The following RAB27A variants were observed in gnomAD, a reference collection of about 807,000 sequenced individuals.
RAB27A encodes RAB27A, member RAS oncogene family.
RAB27A carries 17 observed loss-of-function variants against 20.8 expected under a neutral mutation model. The ratio of observed to expected loss-of-function variants is 0.82; its 90% CI spans 0.56 to 1.23. The LOEUF is 1.23. Among genes scored for constraint, RAB27A ranks in the 50% most tolerant of loss-of-function variants. The pLI, the probability that RAB27A is intolerant of heterozygous loss-of-function variation, is 0.00. For synonymous variants in RAB27A, 85 were observed against 92.8 expected (o/e 0.92, Z 0.48); for missense variants, 277 against 266.7 (o/e 1.04, Z -0.27).
chr15:55,203,637 T>C lies in RAB27A; in HGVS notation c.*1870A>G, dbSNP rs1894505432. 6.7e-6 allele frequency: 1 copy of C among 149,894 alleles called. No homozygotes were observed. The highest frequency in any genetic ancestry group is 2.5e-5 in the African/African-American group (1 of 40,806). 9.3% of individuals were successfully genotyped at this position (149,894 alleles called of 1,614,324 possible). On this transcript the variant is annotated 3_prime_UTR_variant, in exon 7 of 7. Coordinates refer to ENST00000336787, the MANE Select transcript of RAB27A (RefSeq NM_183235.3). ...TGGGGTTTCACTGTGTTAGCCAGGA[T>C]GGTCTCGATCTCCTGACCTCGTGAT...
chr15:55,261,290 A>G (rs1232297352), intron 2 of RAB27A, among the ~76,000 whole-genome samples: 1 of 151,668 alleles, frequency 6.6e-6, no homozygotes, highest in Admixed American at 6.6e-5. Flanking sequence ...CCAGCTACTC[A>G]GGAGGCTGAG....
chr15:55,228,641 T>C lies in RAB27A; in HGVS notation c.311A>G (p.Glu104Gly). 6.2e-7 allele frequency: 1 copy of C among 1,612,676 alleles called. No individual in the cohort carries two copies. The highest frequency in any genetic ancestry group is 8.5e-7 in the Non-Finnish European group (1 of 1,178,670). Residue 104 changes from glutamate (E) to glycine (G), a missense_variant, in exon 5 of 7, where the codon GAG (glutamate) becomes GGG (glycine). Glu to Gly is a moderately conservative substitution (Grantham distance 98). Transcript: ENST00000336787. Reference sequence around the variant, plus strand: ...GTTTCTGACATTGAGGAAACTTTGCTCATTTGTCAGATCAAAAAGTAGAAG... The same window carrying C: ...GTTTCTGACATTGAGGAAACTTTGCCCATTTGTCAGATCAAAAAGTAGAAG... ...GFLLLFDLTN[E>G]QSFLNVRNWI... is the part of the protein sequence containing the mutation.
rs377301086 is a variant in RAB27A, at chr15:55,241,624, A to ATATATGTGTGTG, written c.-22-6669_-22-6668insCACACACATATA. 2.3e-4 allele frequency among the ~76,000 whole-genome samples: 27 copies of ATATATGTGTGTG among 117,656 alleles called. 1 individual carries two copies. Among genetic ancestry groups the ATATATGTGTGTG allele is most frequent in the African/African-American group, 1.2e-3 (27 of 22,884 alleles). The allele number at this position is 117,656 out of a possible 152,430, so 77.2% of individuals were successfully genotyped here. On this transcript the variant is annotated intron_variant, in intron 2 of 6. Coordinates refer to ENST00000336787, the MANE Select transcript of RAB27A (RefSeq NM_183235.3). ...TTTATATATATATATATATATATAT[A>ATATATGTGTGTG]TGTGTGTATATATATTTGTTTTTTT...
intron 1 of RAB27A, among the ~76,000 whole-genome samples, chr15:55,276,475 C>T (rs896725313): frequency 4.6e-5 from 7 of 152,124 alleles, no homozygotes; most frequent in African/African-American, 1.7e-4. Context: ...GAGGCTGAGG[C>T]GCGACAATTG....
At chr15:55,291,555 G>C (rs1354822018), upstream of RAB27A, among the ~76,000 whole-genome samples, 1 of 139,052 alleles carries the variant, frequency 7.2e-6, no homozygotes, top group African/African-American at 2.6e-5. Flanking sequence ...GGAAAAGGTA[G>C]CCTCATGTTC....
intron 2 of RAB27A, among the ~76,000 whole-genome samples, chr15:55,301,685 C>A (rs2054972801): frequency 8.6e-6 from 1 of 116,258 alleles, no homozygotes; most frequent in Non-Finnish European, 1.7e-5. Context: ...CTCACTGTTT[C>A]CCAGGCTGGA....
At chr15:55,236,333 A>T (rs530469805) in intron 2 of RAB27A, among the ~76,000 whole-genome samples, 4 of 152,184 alleles carry the variant, frequency 2.6e-5, no homozygotes, top group African/African-American at 9.6e-5. Context: ...GCTTCCTTAC[A>T]TATTACTATT....
intron 6 of RAB27A, among the ~76,000 whole-genome samples, chr15:55,208,048 A>G (rs1474034564): frequency 1.3e-5 from 2 of 152,222 alleles, no homozygotes. Flanking sequence ...GCTCTCACAT[A>G]TGTGCACGTG....
At chr15:55,222,720 C>A (rs915420531) in intron 6 of RAB27A, among the ~76,000 whole-genome samples, 1 of 152,176 alleles carries the variant, frequency 6.6e-6, no homozygotes, top group Admixed American at 6.5e-5. Flanking sequence ...AAGGTTTTCT[C>A]TTGGCCTTCT....
chr15:55,234,667 A>G (rs1896179098), intron 3 of RAB27A, 115 bp downstream of exon 3: 1 of 1,157,712 alleles, frequency 8.6e-7, no homozygotes, highest in Admixed American at 1.7e-5. Flanking sequence ...TTTCATATGT[A>G]CCTTTAATTT....
intron 2 of RAB27A, among the ~76,000 whole-genome samples, chr15:55,305,092 T>C (rs1168150828): frequency 1.3e-5 from 2 of 152,296 alleles, no homozygotes; most frequent in Non-Finnish European, 2.9e-5. Flanking sequence ...ACTACCTGAT[T>C]GGTCAGGTGT....
chr15:55,269,718 G>A (rs530506459), intron 2 of RAB27A: 6 of 152,332 alleles, frequency 3.9e-5, no homozygotes, highest in African/African-American at 1.4e-4. Flanking sequence ...TCAAGCCTGG[G>A]CGACAGAGCA....
intron 2 of RAB27A, among the ~76,000 whole-genome samples, chr15:55,241,377 C>T (rs1896471278): frequency 6.6e-6 from 1 of 151,970 alleles, no homozygotes. Context: ...AAGTGCTCTC[C>T]ACCCTCACTA....
At chr15:55,302,691 A>C in intron 2 of RAB27A, among the ~76,000 whole-genome samples, 4 of 87,032 alleles carry the variant, frequency 4.6e-5, no homozygotes, top group Admixed American at 1.1e-4. Context: ...CCGGCCGCCC[A>C]TCGTCTGAGA....
At chr15:55,208,148 T>C (rs1455982001) in intron 6 of RAB27A, among the ~76,000 whole-genome samples, 1 of 152,212 alleles carries the variant, frequency 6.6e-6, no homozygotes, top group East Asian at 1.9e-4. Flanking sequence ...TGAATAGTGA[T>C]ATTTTTATAC....
At chr15:55,234,588 C>G (rs1296603308) in intron 3 of RAB27A, among the ~76,000 whole-genome samples, 194 bp downstream of exon 3, 2 of 152,156 alleles carry the variant, frequency 1.3e-5, no homozygotes, top group East Asian at 3.9e-4. Flanking sequence ...ACTTTGTCTG[C>G]CTGGTTTTAT....
At chr15:55,276,281 C>A (rs1897871699) in intron 1 of RAB27A, among the ~76,000 whole-genome samples, 1 of 151,984 alleles carries the variant, frequency 6.6e-6, no homozygotes, top group Admixed American at 6.6e-5. Flanking sequence ...AGTATTCAGC[C>A]TTAAAAAAGA....
At chr15:55,229,264 T>C (rs1446829594) in intron 4 of RAB27A, among the ~76,000 whole-genome samples, 1 of 150,940 alleles carries the variant, frequency 6.6e-6, no homozygotes, top group Non-Finnish European at 1.5e-5. Flanking sequence ...CGTCTTTGCC[T>C]ATATGTAAAA....
At chr15:55,218,742 C>CTTTT (rs565996048) in intron 6 of RAB27A, among the ~76,000 whole-genome samples, 1 of 135,864 alleles carries the variant, frequency 7.4e-6, no homozygotes, top group African/African-American at 2.7e-5. Context: ...AGTTCACATT[C>CTTTT]TTTTTTTTTT....
Sources: gnomAD v4.1 joint callset for allele counts (sites outside exome capture counted in the v4.1 genomes callset) on GRCh38, gnomAD v4.1.1 for gene constraint, MANE v1.5 for transcripts, NCBI Gene and HGNC (gene_info 2026-07-23, HGNC 2026-07-21) for gene names.